Variants in ST6GALNAC3 observed in about 807,000 individuals in gnomAD.
ST6GALNAC3 encodes alpha-N-acetylgalactosaminide alpha-2,6-sialyltransferase 3.
A neutral mutation model predicts 32.7 loss-of-function variants in ST6GALNAC3; 25 were observed. That is an observed-to-expected ratio of 0.76 (90% CI 0.56 to 1.07). ST6GALNAC3 has a LOEUF of 1.07. Among genes scored for constraint, ST6GALNAC3 ranks in the 50% least tolerant of loss-of-function variants. The pLI is 0.00. For missense variants in ST6GALNAC3, 355 were observed against 382.4 expected (o/e 0.93, Z 0.60); for synonymous variants, 129 against 133.1 (o/e 0.97, Z 0.21).
At chr1:76,526,534 T>C (rs1471858978) in intron 3 of ST6GALNAC3, among the ~76,000 whole-genome samples, 2 of 152,106 alleles carry the variant, frequency 1.3e-5, no homozygotes, top group African/African-American at 4.8e-5. Context: ...TTTTATCTTG[T>C]TGACTCAGTG....
intron 3 of ST6GALNAC3, among the ~76,000 whole-genome samples, chr1:76,496,766 G>A (rs888832517): frequency 5.3e-5 from 8 of 152,260 alleles, no homozygotes; most frequent in Middle Eastern, 3.4e-3. Flanking sequence ...GTATTGATTT[G>A]TTTATCACCG....
chr1:76,452,708 A>G (rs1463694610), intron 3 of ST6GALNAC3, among the ~76,000 whole-genome samples: 1 of 152,096 alleles, frequency 6.6e-6, no homozygotes, highest in Admixed American at 6.6e-5. Flanking sequence ...ATTTGCACCT[A>G]TGTTCATCAG....
intron 3 of ST6GALNAC3, among the ~76,000 whole-genome samples, chr1:76,495,574 A>G (rs1349828312): frequency 6.6e-6 from 1 of 152,116 alleles, no homozygotes; most frequent in Non-Finnish European, 1.5e-5. Context: ...CAAGTTGTAG[A>G]ATTCAGGCCC....
Position 76,630,523 on chromosome 1 carries a change from A to C in ST6GALNAC3, c.*1717A>C, listed in dbSNP as rs1649241034. The C allele has an allele frequency of 9.1e-6, 9 of 985,188 alleles. No individual in the cohort carries two copies. The highest frequency in any genetic ancestry group is 1.1e-5 in the Non-Finnish European group (9 of 829,864). 61.0% of individuals were successfully genotyped at this position (985,188 alleles called of 1,614,324 possible). A position where few individuals can be genotyped will look rare whatever the true frequency, so the allele number is the denominator to read the frequency against. ...GAGAATTCAAAAACATCCTTGCAGA[A>C]TGATTCAAAAGACAAAAGCCAGGCT... On this transcript the variant is annotated 3_prime_UTR_variant, in exon 5 of 5. Coordinates refer to ENST00000328299, the MANE Select transcript of ST6GALNAC3 (RefSeq NM_152996.4).
At chr1:76,236,312 G>A (rs1045949820) in intron 1 of ST6GALNAC3, among the ~76,000 whole-genome samples, 1 of 152,136 alleles carries the variant, frequency 6.6e-6, no homozygotes, top group African/African-American at 2.4e-5. Flanking sequence ...GTCAGACTCT[G>A]AGGTATTGGG....
intron 1 of ST6GALNAC3, among the ~76,000 whole-genome samples, chr1:76,091,317 T>G (rs1052298122): frequency 6.6e-6 from 1 of 152,258 alleles, no homozygotes; most frequent in Non-Finnish European, 1.5e-5. Context: ...TAAATTTAAA[T>G]GTAACCTTTT....
intron 1 of ST6GALNAC3, among the ~76,000 whole-genome samples, chr1:76,122,556 A>C (rs952154633): frequency 1.3e-5 from 2 of 152,192 alleles, no homozygotes; most frequent in African/African-American, 4.8e-5. Flanking sequence ...AGCCTCCTTC[A>C]CTGGCTATGC....
intron 3 of ST6GALNAC3, among the ~76,000 whole-genome samples, chr1:76,504,951 A>G (rs1026090818): frequency 1.3e-5 from 2 of 152,160 alleles, no homozygotes; most frequent in Admixed American, 1.3e-4. Context: ...TTTCTCTCTC[A>G]TACGGTAATT....
At chr1:76,211,870 G>T (rs1463183633) in intron 1 of ST6GALNAC3, among the ~76,000 whole-genome samples, 1 of 151,954 alleles carries the variant, frequency 6.6e-6, no homozygotes, top group Non-Finnish European at 1.5e-5. Flanking sequence ...CACCAACATG[G>T]CACATGTATA....
chr1:76,154,755 G>A (rs908454233), intron 1 of ST6GALNAC3, among the ~76,000 whole-genome samples: 1 of 152,052 alleles, frequency 6.6e-6, no homozygotes, highest in Non-Finnish European at 1.5e-5. Flanking sequence ...GTGTGGATCA[G>A]CCTGACAGGA....
At chr1:76,626,375 GAGT>G (rs1364690028) in intron 3 of ST6GALNAC3, among the ~76,000 whole-genome samples, 1 of 151,914 alleles carries the variant, frequency 6.6e-6, no homozygotes, top group Admixed American at 6.6e-5. Context: ...CCCCCGTGGA[GAGT>G]TTTAAGGAGA....
intron 3 of ST6GALNAC3, among the ~76,000 whole-genome samples, chr1:76,527,080 T>C (rs1321029638): frequency 1.3e-5 from 2 of 152,104 alleles, no homozygotes; most frequent in Non-Finnish European, 2.9e-5. Context: ...TGAATTGAAC[T>C]CTATGATTTG....
intron 1 of ST6GALNAC3, among the ~76,000 whole-genome samples, chr1:76,227,158 A>G (rs1370388724): frequency 6.6e-6 from 1 of 152,192 alleles, no homozygotes; most frequent in East Asian, 1.9e-4. Flanking sequence ...ATTTTTAAAA[A>G]GTTCTGTACC....
At chr1:76,121,975 C>T (rs1373645298) in intron 1 of ST6GALNAC3, among the ~76,000 whole-genome samples, 2 of 152,014 alleles carry the variant, frequency 1.3e-5, no homozygotes, top group South Asian at 2.1e-4. Flanking sequence ...TGCATGGCTC[C>T]CTCCCTCCCT....
chr1:76,321,424 G>C (rs1157423590), intron 2 of ST6GALNAC3, among the ~76,000 whole-genome samples: 1 of 152,008 alleles, frequency 6.6e-6, no homozygotes, highest in Non-Finnish European at 1.5e-5. Context: ...CCATGGTTTG[G>C]GTGTATAAGC....
intron 1 of ST6GALNAC3, among the ~76,000 whole-genome samples, chr1:76,151,921 T>C (rs545663589): frequency 6.6e-6 from 1 of 152,140 alleles, no homozygotes; most frequent in South Asian, 2.1e-4. Context: ...TTCTTGAGAG[T>C]TGGGTGAGAA....
intron 1 of ST6GALNAC3, among the ~76,000 whole-genome samples, chr1:76,149,558 C>T (rs905373328): frequency 2.4e-4 from 37 of 152,188 alleles, no homozygotes; most frequent in African/African-American, 8.9e-4. Context: ...AAATGATTAC[C>T]ACAATCAAAG....
intron 3 of ST6GALNAC3, among the ~76,000 whole-genome samples, chr1:76,458,141 C>T (rs1657987829): frequency 6.9e-6 from 1 of 144,696 alleles, no homozygotes; most frequent in South Asian, 2.2e-4. Flanking sequence ...AAAATGCTCA[C>T]CATCACTGGC....
intron 3 of ST6GALNAC3, among the ~76,000 whole-genome samples, chr1:76,435,556 A>G (rs1231335790): frequency 6.6e-6 from 1 of 152,192 alleles, no homozygotes; most frequent in Non-Finnish European, 1.5e-5. Context: ...AATTGAATAC[A>G]TCTAAAAATG....
Sources: allele counts gnomAD v4.1 joint callset (sites outside exome capture counted in the v4.1 genomes callset), GRCh38; gene constraint gnomAD v4.1.1; transcripts MANE v1.5; gene names NCBI Gene and HGNC (gene_info 2026-07-23, HGNC 2026-07-21).